Variants in SUPT6H observed in about 807,000 individuals in gnomAD.
The protein encoded by SUPT6H is transcription elongation factor SPT6.
SUPT6H carries 11 observed loss-of-function variants against 222.3 expected under a neutral mutation model. The ratio of observed to expected loss-of-function variants is 0.05; its 90% CI spans 0.03 to 0.08. The LOEUF (loss-of-function observed/expected upper bound fraction) is 0.08. Ranked by LOEUF, SUPT6H falls within the 10% of genes least tolerant of loss-of-function variation. SUPT6H has a pLI of 1.00. For synonymous variants in SUPT6H, 762 were observed against 801.2 expected (o/e 0.95, Z 0.83); for missense variants, 1,422 against 2,216.0 (o/e 0.64, Z 7.19).
At chr17:28,691,323 C>T (rs2031631913) in intron 27 of SUPT6H, 2 of 376,378 alleles carry the variant, frequency 5.3e-6, no homozygotes, top group Non-Finnish European at 4.9e-6. Context: ...ATCAGGGGTT[C>T]GAGACCAGCC....
chr17:28,665,255 C>T (rs1468510445), intron 1 of SUPT6H, among the ~76,000 whole-genome samples: 2 of 152,202 alleles, frequency 1.3e-5, no homozygotes, highest in Admixed American at 1.3e-4. Context: ...GGAACCTCTC[C>T]TCCTACTTCT....
intron 23 of SUPT6H, 21 bp downstream of exon 23, chr17:28,687,492 G>T: frequency 6.2e-7 from 1 of 1,608,664 alleles, no homozygotes. Context: ...AGTGAATTCA[G>T]AAATTTTAAA....
intron 28 of SUPT6H, 153 bp from the exon 29 acceptor site, chr17:28,695,199 C>T (rs1597718403): frequency 2.8e-6 from 2 of 716,390 alleles, no homozygotes; most frequent in Non-Finnish European, 4.6e-6. Flanking sequence ...CCACCCCAAA[C>T]TCCCAGTCTG....
intron 33 of SUPT6H, 89 bp downstream of exon 33, chr17:28,699,982 G>A (rs1365243393): frequency 7.1e-7 from 1 of 1,415,564 alleles, no homozygotes; most frequent in Admixed American, 1.7e-5. Context: ...GGGACCAGGT[G>A]AGGAGTAGGC....
chr17:28,673,333 T>G, intron 1 of SUPT6H, 38 bp from the exon 2 acceptor site: 1 of 1,274,256 alleles, frequency 7.8e-7, no homozygotes, highest in Non-Finnish European at 1.1e-6. Flanking sequence ...TACAATCATG[T>G]GTCCGTTTTT....
intron 7 of SUPT6H, 130 bp downstream of exon 7, chr17:28,676,560 A>G (rs1223086152): frequency 8.6e-6 from 12 of 1,390,286 alleles, no homozygotes; most frequent in Non-Finnish European, 1.1e-5. Flanking sequence ...GGCCTGGGAA[A>G]TCCAGCTCTT....
intron 13 of SUPT6H, 193 bp downstream of exon 13, chr17:28,682,173 C>T (rs541604369): frequency 2.0e-6 from 1 of 506,638 alleles, no homozygotes; most frequent in Non-Finnish European, 3.5e-6. Flanking sequence ...ATGGTTCAGC[C>T]TCTCCCTAAT....
intron 32 of SUPT6H, among the ~76,000 whole-genome samples, chr17:28,698,476 G>A (rs2032014522): frequency 6.6e-6 from 1 of 152,210 alleles, no homozygotes; most frequent in African/African-American, 2.4e-5. Context: ...GTTCTGCTCT[G>A]TCTCCTGCTC....
At chr17:28,687,619 G>C in intron 23 of SUPT6H, 148 bp downstream of exon 23, 2 of 914,280 alleles carry the variant, frequency 2.2e-6, no homozygotes, top group Non-Finnish European at 3.2e-6. Flanking sequence ...AAAAGAGTCT[G>C]ACTTCAGACC....
At chr17:28,677,647 A>G in intron 7 of SUPT6H, 68 bp from the exon 8 acceptor site, 1 of 1,132,740 alleles carries the variant, frequency 8.8e-7, no homozygotes, top group Non-Finnish European at 1.3e-6. Context: ...TCTGTCCAAA[A>G]AGGTATGTTT....
chr17:28,664,719 C>T (rs1460370982), intron 1 of SUPT6H, among the ~76,000 whole-genome samples: 1 of 152,206 alleles, frequency 6.6e-6, no homozygotes, highest in Non-Finnish European at 1.5e-5. Flanking sequence ...ATTTCTTAGG[C>T]ACCCAAAGCT....
At chr17:28,677,675 A>C (rs1176290712) in intron 7 of SUPT6H, 40 bp from the exon 8 acceptor site, 3 of 1,438,680 alleles carry the variant, frequency 2.1e-6, no homozygotes, top group Middle Eastern at 1.8e-4. Context: ...GTGAGACACA[A>C]GATAAAGTCC....
At chr17:28,693,975 A>G in intron 28 of SUPT6H, 139 bp downstream of exon 28, 3 of 1,161,294 alleles carry the variant, frequency 2.6e-6, no homozygotes, top group East Asian at 2.5e-5. Context: ...GGGAAGATTT[A>G]TAACTAGTTG....
At chr17:28,680,630 A>G (rs2031049598) in intron 11 of SUPT6H, among the ~76,000 whole-genome samples, 1 of 152,058 alleles carries the variant, frequency 6.6e-6, no homozygotes, top group Non-Finnish European at 1.5e-5. Flanking sequence ...TTCTAGGGCT[A>G]TCATGTGTCT....
intron 11 of SUPT6H, among the ~76,000 whole-genome samples, chr17:28,680,163 C>A (rs1157918564): frequency 2.1e-5 from 3 of 141,206 alleles, no homozygotes; most frequent in Non-Finnish European, 4.6e-5. Flanking sequence ...AAAATTAGCT[C>A]GGTGTGGTGG....
At chr17:28,678,518 G>A (rs753764475) in intron 9 of SUPT6H, 27 bp from the exon 10 acceptor site, 2 of 1,606,808 alleles carry the variant, frequency 1.2e-6, no homozygotes, top group Non-Finnish European at 1.7e-6. Flanking sequence ...TCTTCTCTGA[G>A]TGACTGCAGT....
At chr17:28,685,556 C>T (rs1381410858) in intron 19 of SUPT6H, among the ~76,000 whole-genome samples, 1 of 151,486 alleles carries the variant, frequency 6.6e-6, no homozygotes, top group Non-Finnish European at 1.5e-5. Flanking sequence ...GTGGCAAGAA[C>T]TCACCTCACT....
chr17:28,674,740 A>T (rs769371303), intron 4 of SUPT6H, 127 bp downstream of exon 4: 7 of 947,520 alleles, frequency 7.4e-6, no homozygotes, highest in Non-Finnish European at 1.2e-5. Context: ...GTTCGGTATC[A>T]TTGTACTACG....
Position 28,673,447 on chromosome 17 carries a change from T to C in SUPT6H, c.46T>C (p.Tyr16His). 7 of 1,614,072 alleles carry C rather than the reference T, an allele frequency of 4.3e-6. No individual in the cohort carries two copies. The highest frequency in any genetic ancestry group is 5.9e-6 in the Non-Finnish European group (7 of 1,180,014). Residue 16 changes from tyrosine (Y) to histidine (H), a missense_variant, in exon 2 of 37, where the codon TAC becomes CAC. Physicochemically the swap from Tyr to His is moderately conservative, Grantham distance 83. This residue lies in a region of SUPT6H where 89 missense variants were observed against 118.9 expected (regional missense o/e 0.75). Transcript: ENST00000314616. ...CGAGGCTGAGGAGTCAGAGGAAGAA[T>C]ACAATGATGAAGGCGAGGTGGTACC... is the stretch of plus-strand genomic sequence containing the variant. ...ESEAEESEEE[Y>H]NDEGEVVPRV...
Sources: allele counts gnomAD v4.1 joint callset (sites outside exome capture counted in the v4.1 genomes callset), GRCh38; gene constraint gnomAD v4.1.1; regional missense constraint gnomAD v4.1.1; transcripts MANE v1.5; gene names NCBI Gene and HGNC (gene_info 2026-07-23, HGNC 2026-07-21).